POC1B: variants seen among roughly 807,000 people sequenced by gnomAD.
POC1B encodes the protein POC1 centriolar protein B, also known as POC1 centriolar protein homolog B.
In POC1B, 44 loss-of-function variants were observed where a neutral mutation model predicts 60.6. The observed-to-expected ratio is 0.73, with a 90% CI of 0.57 to 0.93. POC1B has a LOEUF of 0.93. Ranked by LOEUF, POC1B falls within the 40% of genes least tolerant of loss-of-function variation. The pLI is 0.00. For missense variants in POC1B, 555 were observed against 572.3 expected (o/e 0.97, Z 0.31); for synonymous variants, 180 against 198.9 (o/e 0.90, Z 0.80).
At chr12:89,411,229 C>G in the POC1B span, among the ~76,000 whole-genome samples, 1 of 152,318 alleles carries the variant, frequency 6.6e-6, no homozygotes, top group South Asian at 2.1e-4. Flanking sequence ...CTATTCCCAT[C>G]AAGCTACCAT....
At chr12:89,488,901 T>C (rs1868792258) in intron 4 of POC1B, among the ~76,000 whole-genome samples, 2 of 152,172 alleles carry the variant, frequency 1.3e-5, no homozygotes, top group Non-Finnish European at 2.9e-5. Flanking sequence ...TATGCTTCCT[T>C]TGCCAACCAT....
intron 10 of POC1B, among the ~76,000 whole-genome samples, chr12:89,435,890 C>T (rs1432466226): frequency 6.6e-6 from 1 of 151,472 alleles, no homozygotes; most frequent in Non-Finnish European, 1.5e-5. Flanking sequence ...CACGCATATG[C>T]ATGTGTGTGT....
At position 89,458,761 on chromosome 12, in the gene POC1B, ACAT is replaced by A. The variant is rs959766821; in HGVS notation, c.1113+874_1113+876del. Among the ~76,000 whole-genome samples the A allele has an allele frequency of 2.3e-4, 35 of 152,334 alleles. No individual in the cohort carries two copies. In the Middle Eastern group the frequency reaches 0.017, roughly 74 times the overall value. On this transcript the variant is annotated intron_variant, in intron 10 of 11. Transcript: ENST00000313546. ...GTACCCAAAATATTTAACTAAACTG[ACAT>A]CATAGCAGTAGTGTCGTCAAAGACC... is the stretch of plus-strand genomic sequence containing the variant.
At chr12:89,469,995 C>T (rs1882826885) in intron 7 of POC1B, among the ~76,000 whole-genome samples, 1 of 151,962 alleles carries the variant, frequency 6.6e-6, no homozygotes, top group African/African-American at 2.4e-5. Context: ...AGCCTCCCAA[C>T]CAAGTAGCTT....
intron 2 of POC1B, chr12:89,520,683 G>T (rs1039142277): frequency 6.6e-6 from 1 of 152,102 alleles, no homozygotes; most frequent in Non-Finnish European, 1.5e-5. Flanking sequence ...TTTTGAAATG[G>T]TTATCCTAAA....
chr12:89,459,260 G>A (rs1475893769), intron 10 of POC1B, among the ~76,000 whole-genome samples: 6 of 151,926 alleles, frequency 3.9e-5, no homozygotes, highest in Admixed American at 3.3e-4. Flanking sequence ...GGCCTGTTGT[G>A]GGGTGGGGTG....
chr12:89,413,837 C>A, the POC1B span, among the ~76,000 whole-genome samples: 22 of 151,894 alleles, frequency 1.4e-4, no homozygotes, highest in African/African-American at 5.1e-4. Flanking sequence ...TGTTGATATT[C>A]CCAATTTTGT....
At chr12:89,488,496 T>G (rs1205600203) in intron 4 of POC1B, among the ~76,000 whole-genome samples, 1 of 152,152 alleles carries the variant, frequency 6.6e-6, no homozygotes. Flanking sequence ...ATTGTTATTA[T>G]TATTATTCTG....
chr12:89,504,028 G>C (rs1316339234), intron 2 of POC1B, among the ~76,000 whole-genome samples: 1 of 152,048 alleles, frequency 6.6e-6, no homozygotes, highest in Non-Finnish European at 1.5e-5. Flanking sequence ...TCCAGGAGGT[G>C]GGGGGCGCCT....
chr12:89,514,402 C>CTTTTTTTTTTTTTTTTTTTTTT lies in POC1B; in HGVS notation c.100+10696_100+10717dup, dbSNP rs60679774. The stretch of plus-strand genomic sequence containing the variant: ...ATAAGTTACTCAGTTTCATGTATTT[C>CTTTTTTTTTTTTTTTTTTTTTT]TTTTTTTTTTTTTTTTTTTTTTTTT... On this transcript the variant is annotated intron_variant, in intron 2 of 11. Transcript: ENST00000313546. Among the ~76,000 whole-genome samples the CTTTTTTTTTTTTTTTTTTTTTT allele has an allele frequency of 4.6e-4, 31 of 67,092 alleles. 4 individuals carry two copies. The highest frequency in any genetic ancestry group is 5.4e-4 in the African/African-American group (9 of 16,572). 44.0% of individuals were successfully genotyped at this position (67,092 alleles called of 152,430 possible).
intron 2 of POC1B, among the ~76,000 whole-genome samples, chr12:89,507,878 G>A (rs1002689327): frequency 1.3e-5 from 2 of 152,202 alleles, no homozygotes; most frequent in African/African-American, 2.4e-5. Flanking sequence ...TAGAGGCTCT[G>A]TCTGGAACAC....
intron 2 of POC1B, among the ~76,000 whole-genome samples, chr12:89,515,764 C>G (rs10161364): frequency 0.28 from 42,530 of 152,046 alleles, 6,476 homozygotes; most frequent in Non-Finnish European, 0.35. Flanking sequence ...CACTTCCATC[C>G]CATCCAGAAC....
intron 1 of POC1B, chr12:89,525,666 G>A (rs1300418199): frequency 3.2e-6 from 4 of 1,259,508 alleles, no homozygotes; most frequent in African/African-American, 1.5e-5. Flanking sequence ...CCGGAACTCG[G>A]GGAAGAGCGT....
intron 2 of POC1B, chr12:89,523,089 T>A: frequency 6.2e-7 from 1 of 1,613,956 alleles, no homozygotes; most frequent in South Asian, 1.1e-5. Context: ...TTGAAGTATA[T>A]TCAAAGAATT....
the POC1B span, among the ~76,000 whole-genome samples, chr12:89,402,186 G>A: frequency 6.6e-6 from 1 of 152,034 alleles, no homozygotes; most frequent in East Asian, 1.9e-4. Flanking sequence ...TTGCCCCAGA[G>A]GAAAAGATTC....
chr12:89,411,243 C>T, the POC1B span, among the ~76,000 whole-genome samples: 1 of 152,184 alleles, frequency 6.6e-6, no homozygotes, highest in Non-Finnish European at 1.5e-5. Context: ...CTACCATTGG[C>T]TTTCTTCACA....
At chr12:89,455,016 A>G (rs1302109722) in intron 10 of POC1B, among the ~76,000 whole-genome samples, 1 of 150,112 alleles carries the variant, frequency 6.7e-6, no homozygotes, top group African/African-American at 2.5e-5. Context: ...TATGTGTTTG[A>G]TTTCTTCTGA....
chr12:89,502,594 G>A, intron 2 of POC1B: 1 of 1,249,730 alleles, frequency 8.0e-7, no homozygotes, highest in Non-Finnish European at 1.2e-6. Context: ...CAATGGTAAA[G>A]GACCCAGAAA....
At chr12:89,407,318 C>T in the POC1B span, among the ~76,000 whole-genome samples, 17 of 151,840 alleles carry the variant, frequency 1.1e-4, no homozygotes, top group South Asian at 4.2e-4. Flanking sequence ...CTGCAGCCTC[C>T]GCCTCCCGGG....
Sources: gnomAD v4.1 joint callset for allele counts (sites outside exome capture counted in the v4.1 genomes callset) on GRCh38, gnomAD v4.1.1 for gene constraint, MANE v1.5 for transcripts, NCBI Gene and HGNC (gene_info 2026-07-23, HGNC 2026-07-21) for gene names.